The following BBX variants were observed in gnomAD, a reference collection of about 807,000 sequenced individuals.
BBX encodes the protein BBX high mobility group box domain containing.
BBX carries 30 observed loss-of-function variants against 100.2 expected under a neutral mutation model. That is an observed-to-expected ratio of 0.30 (90% CI 0.22 to 0.41). BBX has a LOEUF of 0.41. Among genes scored for constraint, BBX ranks in the 10% least tolerant of loss-of-function variants. The pLI is 1.00. For missense variants in BBX, 1,023 were observed against 1,129.8 expected (o/e 0.91, Z 1.35); for synonymous variants, 376 against 388.1 (o/e 0.97, Z 0.37).
chr3:107,697,438 TCTGTTGGAGTAC>T (rs1216555050), intron 3 of BBX, among the ~76,000 whole-genome samples: 2 of 151,796 alleles, frequency 1.3e-5, no homozygotes, highest in African/African-American at 4.9e-5. Flanking sequence ...CAGCTGCAGG[TCTGTTGGAGTAC>T]CTGGCCTTGT....
At chr3:107,634,249 G>C (rs1401482474) in intron 2 of BBX, among the ~76,000 whole-genome samples, 1 of 152,208 alleles carries the variant, frequency 6.6e-6, no homozygotes, top group Non-Finnish European at 1.5e-5. Flanking sequence ...AACTTAGACA[G>C]ATGTCTGTTA....
At chr3:107,793,427 A>G (rs2069265770) in intron 15 of BBX, among the ~76,000 whole-genome samples, 1 of 152,150 alleles carries the variant, frequency 6.6e-6, no homozygotes, top group African/African-American at 2.4e-5. Context: ...GGCCAGGAAA[A>G]ACAGGAATCA....
At chr3:107,787,002 A>T (rs1006483843) in intron 13 of BBX, among the ~76,000 whole-genome samples, 2 of 152,140 alleles carry the variant, frequency 1.3e-5, no homozygotes, top group Non-Finnish European at 2.9e-5. Flanking sequence ...TCCGAATAAG[A>T]TATATAACAA....
chr3:107,613,198 T>A (rs2054975319), intron 2 of BBX, among the ~76,000 whole-genome samples: 1 of 151,080 alleles, frequency 6.6e-6, no homozygotes, highest in South Asian at 2.1e-4. Flanking sequence ...TATTTTTTTT[T>A]TTTTTTTGAG....
At chr3:107,750,523 G>T (rs978203007) in intron 9 of BBX, among the ~76,000 whole-genome samples, 2 of 152,048 alleles carry the variant, frequency 1.3e-5, no homozygotes, top group Non-Finnish European at 2.9e-5. Context: ...TTGTATCTTT[G>T]GTTATTTAGC....
intron 3 of BBX, among the ~76,000 whole-genome samples, chr3:107,667,041 T>C: frequency 6.6e-6 from 1 of 152,210 alleles, no homozygotes; most frequent in East Asian, 1.9e-4. Flanking sequence ...GACAAAACTG[T>C]TAAGGAAACG....
chr3:107,738,448 T>A (rs1451768314), intron 7 of BBX, among the ~76,000 whole-genome samples: 1 of 152,188 alleles, frequency 6.6e-6, no homozygotes, highest in African/African-American at 2.4e-5. Context: ...GGCTCAATTC[T>A]TAAGTGTATT....
At chr3:107,626,425 C>T (rs2056179410) in intron 2 of BBX, among the ~76,000 whole-genome samples, 2 of 152,170 alleles carry the variant, frequency 1.3e-5, no homozygotes, top group South Asian at 4.1e-4. Context: ...AACATTCATT[C>T]TCTCACAGTT....
chr3:107,732,348 A>G (rs1368220498), intron 6 of BBX, among the ~76,000 whole-genome samples: 1 of 152,214 alleles, frequency 6.6e-6, no homozygotes, highest in Non-Finnish European at 1.5e-5. Flanking sequence ...TTAATTTTAT[A>G]CCTTGAAGGC....
chr3:107,780,250 G>A (rs1304887462), intron 13 of BBX, among the ~76,000 whole-genome samples: 1 of 152,062 alleles, frequency 6.6e-6, no homozygotes, highest in Non-Finnish European at 1.5e-5. Context: ...CCAATAAAAT[G>A]GAACTTAATT....
chr3:107,681,968 T>C (rs1559962044), intron 3 of BBX, among the ~76,000 whole-genome samples: 1 of 152,174 alleles, frequency 6.6e-6, no homozygotes, highest in Non-Finnish European at 1.5e-5. Flanking sequence ...TTTCAGCAGC[T>C]ACTGATAAAG....
chr3:107,691,715 T>C (rs2060181493), intron 3 of BBX, among the ~76,000 whole-genome samples: 1 of 152,214 alleles, frequency 6.6e-6, no homozygotes, highest in Non-Finnish European at 1.5e-5. Flanking sequence ...TACTATTTAT[T>C]AAATACGTAT....
At chr3:107,611,583 C>T (rs1362221660) in intron 2 of BBX, among the ~76,000 whole-genome samples, 1 of 152,158 alleles carries the variant, frequency 6.6e-6, no homozygotes, top group African/African-American at 2.4e-5. Context: ...GAGGTTTCCA[C>T]TGAAAAGACT....
At chr3:107,749,814 A>G (rs4855765) in intron 9 of BBX, among the ~76,000 whole-genome samples, 58,408 of 151,756 alleles carry the variant, frequency 0.38, 12,388 homozygotes, top group East Asian at 0.92. Context: ...TTGTATTTTT[A>G]GTAGAGACGG....
intron 13 of BBX, among the ~76,000 whole-genome samples, chr3:107,783,069 A>G (rs2068063070): frequency 1.3e-5 from 2 of 152,108 alleles, no homozygotes; most frequent in Admixed American, 1.3e-4. Context: ...GTAATAGTAA[A>G]TTTCCTTATA....
intron 2 of BBX, among the ~76,000 whole-genome samples, chr3:107,631,502 C>T (rs1282957338): frequency 1.3e-5 from 2 of 151,168 alleles, no homozygotes; most frequent in African/African-American, 2.4e-5. Context: ...TTTATTCTGG[C>T]ATGTTTGGGT....
intron 13 of BBX, among the ~76,000 whole-genome samples, chr3:107,779,876 C>G (rs1214664711): frequency 6.6e-6 from 1 of 151,962 alleles, no homozygotes; most frequent in Non-Finnish European, 1.5e-5. Context: ...AGAAAATTTC[C>G]CCTTCATGAT....
At position 107,728,970 on chromosome 3, in the gene BBX, G is replaced by A. The variant is rs537884224; in HGVS notation, c.601+10G>A. On this transcript the variant is annotated intron_variant, in intron 6 of 17. Coordinates refer to ENST00000325805, the MANE Select transcript of BBX (RefSeq NM_001142568.3). ...AACTTTGGAATGGCTGGTGAGTTGAGACACTATTTCCACCTATTCTTTAAG... is the reference window on the plus strand; with the variant it reads ...AACTTTGGAATGGCTGGTGAGTTGAAACACTATTTCCACCTATTCTTTAAG... 3 of 1,611,716 alleles carry A rather than the reference G, an allele frequency of 1.9e-6. No homozygotes were observed. The highest frequency in any genetic ancestry group is 2.2e-5 in the South Asian group (2 of 90,802).
At chr3:107,798,493 C>T in intron 15 of BBX, 30 bp from the exon 16 acceptor site, 1 of 1,601,986 alleles carries the variant, frequency 6.2e-7, no homozygotes, top group Non-Finnish European at 8.6e-7. Flanking sequence ...TGTTTTTGTG[C>T]ATAACTATGC....
Sources: gnomAD v4.1 joint callset for allele counts (sites outside exome capture counted in the v4.1 genomes callset) on GRCh38, gnomAD v4.1.1 for gene constraint, MANE v1.5 for transcripts, NCBI Gene and HGNC (gene_info 2026-07-23, HGNC 2026-07-21) for gene names.